MSH6: variants seen among roughly 807,000 people sequenced by gnomAD.
MSH6 encodes the protein mutS homolog 6.
Under a neutral mutation model 119.1 loss-of-function variants are expected in MSH6, and 85 were observed. The observed-to-expected ratio is 0.71, with a 90% confidence interval of 0.60 to 0.85. The LOEUF (loss-of-function observed/expected upper bound fraction) is 0.85. Ranked by LOEUF, MSH6 falls within the 40% of genes least tolerant of loss-of-function variation. The pLI is 0.00. For missense variants in MSH6, 2,163 were observed against 1,655.3 expected, an observed-to-expected ratio of 1.31 and a Z score of -5.32; for synonymous variants, 830 against 586.9, an observed-to-expected ratio of 1.41 and a Z score of -5.99.
intron 4 of MSH6, among the ~76,000 whole-genome samples, chr2:47,802,678 A>G (rs568256235): frequency 1.4e-5 from 2 of 144,916 alleles, no homozygotes; most frequent in African/African-American, 5.1e-5. Flanking sequence ...AGTTTACTTG[A>G]ATTTGTAACA....
chr2:47,799,468 A>T lies in MSH6; in HGVS notation c.1485A>T (p.Arg495=), dbSNP rs1572723164. ...AGACTCCAGAAATGATGGAGGCACG[A>T]TGTAGAAAGATGGCACATATATCCA... ...QTETPEMMEA[R]CRKMAHISKY... The change falls in exon 4 of 10, where the codon CGA becomes CGT. Residue 495 remains arginine (R), a synonymous_variant. Coordinates refer to ENST00000234420, the MANE Select transcript of MSH6 (RefSeq NM_000179.3). 1 of 1,614,186 alleles carries T rather than the reference A, an allele frequency of 6.2e-7. No homozygotes were observed. The highest frequency in any genetic ancestry group is 8.5e-7 in the Non-Finnish European group (1 of 1,180,022).
chr2:47,809,092 G>T, downstream of MSH6: 2 of 981,152 alleles, frequency 2.0e-6, no homozygotes, highest in South Asian at 1.5e-5. Flanking sequence ...AAAATGCTAG[G>T]CATTGCTAAT....
intron 6 of MSH6, 42 bp from the exon 7 acceptor site, chr2:47,805,575 AT>A: frequency 7.7e-7 from 1 of 1,291,744 alleles, no homozygotes; most frequent in Non-Finnish European, 1.1e-6. Context: ...ATGTAATATG[AT>A]TTGCAAAATG....
chr2:47,802,736 A>G (rs1669677096), intron 4 of MSH6, among the ~76,000 whole-genome samples: 2 of 151,830 alleles, frequency 1.3e-5, no homozygotes, highest in African/African-American at 4.8e-5. Context: ...CTAATGGAAC[A>G]GAATAATATA....
chr2:47,787,658 C>T (rs955047660), intron 1 of MSH6, among the ~76,000 whole-genome samples: 1 of 152,228 alleles, frequency 6.6e-6, no homozygotes, highest in East Asian at 1.9e-4. Context: ...TGCTTTGTTG[C>T]CCAGGCTGAA....
downstream of MSH6, chr2:47,807,850 T>C (rs763637043): frequency 2.5e-5 from 8 of 318,380 alleles, no homozygotes; most frequent in Non-Finnish European, 2.9e-5. Context: ...GAAGTTGGTA[T>C]CTGTACAAAA....
rs1060504751 is a variant in MSH6, at chr2:47,806,550, T to C, written c.3900T>C (p.Phe1300=). The C allele has an allele frequency of 2.5e-6, 4 of 1,613,822 alleles. No homozygotes were observed. In the African/African-American group the frequency reaches 5.3e-5, roughly 22 times the overall value. The change falls in exon 9 of 10, where the codon TTT becomes TTC. Residue 1300 remains phenylalanine (F), a synonymous_variant. Coordinates refer to ENST00000234420, the MANE Select transcript of MSH6 (RefSeq NM_000179.3). The part of the protein sequence containing the change: ...IKGACPKSYG[F]NAARLANLPE... ...GAGCTTGTCCTAAAAGCTATGGCTT[T>C]AATGCAGCAAGGCTTGCTAATCTCC...
At chr2:47,801,211 C>T (rs2104445161) in intron 4 of MSH6, 56 bp downstream of exon 4, 1 of 1,565,188 alleles carries the variant, frequency 6.4e-7, no homozygotes, top group South Asian at 1.1e-5. Context: ...TGTTTGCCAG[C>T]TGTATATTAT....
downstream of MSH6, chr2:47,809,590 T>G: frequency 6.3e-7 from 1 of 1,595,656 alleles, no homozygotes; most frequent in Non-Finnish European, 8.6e-7. Context: ...TATAGCAGAC[T>G]CCAACATACC....
chr2:47,795,728 C>G (rs970545718), intron 2 of MSH6, among the ~76,000 whole-genome samples, 166 bp from the exon 3 acceptor site: 1 of 151,896 alleles, frequency 6.6e-6, no homozygotes, highest in South Asian at 2.1e-4. Context: ...ACCTAAGCCT[C>G]CCAAAATGCT....
intron 1 of MSH6, among the ~76,000 whole-genome samples, chr2:47,788,932 T>TTG (rs1668551744): frequency 1.0e-5 from 1 of 96,044 alleles, no homozygotes; most frequent in African/African-American, 4.8e-5. Context: ...GTTTTTTTTT[T>TTG]TTTTTTTTTT....
Position 47,806,804 on chromosome 2 carries a change from T to C in MSH6, c.4027T>C (p.Ser1343Pro), listed in dbSNP as rs1670214006. 6.2e-7 allele frequency: 1 copy of C among 1,609,836 alleles called. No individual in the cohort carries two copies. The highest frequency in any genetic ancestry group is 8.5e-7 in the Non-Finnish European group (1 of 1,178,184). ...FREVCLASER[S>P]TVDAEAVHKL... The stretch of plus-strand genomic sequence containing the variant: ...GGAAGTTTGCCTGGCTAGTGAAAGG[T>C]CAACTGTAGATGCTGAAGCTGTCCA... The change falls in exon 10 of 10, where the codon TCA (serine) becomes CCA (proline). Residue 1343 changes from serine to proline, a missense_variant. By Grantham distance (74) the Ser-to-Pro change is moderately conservative (BLOSUM62 -1). Transcript: ENST00000234420.
chr2:47,789,476 C>T (rs1340334772), intron 1 of MSH6: 1 of 452,382 alleles, frequency 2.2e-6, no homozygotes, highest in Non-Finnish European at 4.5e-6. Flanking sequence ...TTTTTAATTG[C>T]TTGCTTAGAA....
downstream of MSH6, chr2:47,808,692 G>T: frequency 2.8e-6 from 1 of 361,254 alleles, no homozygotes; most frequent in Non-Finnish European, 5.0e-6. Flanking sequence ...ATGTTTCTGG[G>T]CTGAAAACAA....
At chr2:47,805,379 C>T (rs1209266581) in intron 6 of MSH6, among the ~76,000 whole-genome samples, 1 of 152,108 alleles carries the variant, frequency 6.6e-6, no homozygotes, top group African/African-American at 2.4e-5. Flanking sequence ...CGGGGTTTCA[C>T]CATGTTAGGC....
At chr2:47,803,385 C>A (rs186475107) in intron 4 of MSH6, 35 bp from the exon 5 acceptor site, 14 of 1,613,890 alleles carry the variant, frequency 8.7e-6, no homozygotes, top group Middle Eastern at 1.6e-4. Context: ...AACCCCCAAA[C>A]GATGAAGCCT....
downstream of MSH6, chr2:47,808,034 G>A (rs757580075): frequency 2.4e-6 from 3 of 1,240,266 alleles, no homozygotes; most frequent in Non-Finnish European, 3.4e-6. Context: ...CCTGTAGCAT[G>A]GGCAAATATT....
chr2:47,785,109 A>G (rs1668269148), intron 1 of MSH6: 1 of 152,150 alleles, frequency 6.6e-6, no homozygotes, highest in African/African-American at 2.4e-5. Context: ...GGCATGAACC[A>G]CCGAGCCCGG....
At chr2:47,804,803 A>C in intron 5 of MSH6, 107 bp from the exon 6 acceptor site, 2 of 836,022 alleles carry the variant, frequency 2.4e-6, no homozygotes, top group Admixed American at 1.7e-5. Context: ...TGATTGTGAA[A>C]GTTGTTTTAG....
Sources: gnomAD v4.1 joint callset for allele counts (sites outside exome capture counted in the v4.1 genomes callset) on GRCh38, gnomAD v4.1.1 for gene constraint, MANE v1.5 for transcripts, NCBI Gene and HGNC (gene_info 2026-07-23, HGNC 2026-07-21) for gene names.